The following CDH12 variants were observed in gnomAD, a reference collection of about 807,000 sequenced individuals.
CDH12 encodes cadherin-12.
Under a neutral mutation model 74.1 loss-of-function variants are expected in CDH12, and 41 were observed. That is an observed-to-expected ratio of 0.55 (90% CI 0.43 to 0.72). CDH12 has a LOEUF of 0.72. Ranked by LOEUF, CDH12 falls within the 30% of genes least tolerant of loss-of-function variation. The pLI is 0.00. For missense variants in CDH12, 945 were observed against 977.2 expected, an observed-to-expected ratio of 0.97 and a Z score of 0.44; for synonymous variants, 399 against 355.0, an observed-to-expected ratio of 1.12 and a Z score of -1.39.
At chr5:22,399,190 GTATCTATCTATC>G (rs3039455) in intron 3 of CDH12, among the ~76,000 whole-genome samples, 1,932 of 148,164 alleles carry the variant, frequency 0.013, 25 homozygotes, top group African/African-American at 0.042. Context: ...AATCTACCCA[GTATCTATCTATC>G]TATCTATCTA....
intron 1 of CDH12, among the ~76,000 whole-genome samples, chr5:22,517,711 A>T (rs778943323): frequency 1.3e-5 from 2 of 152,216 alleles, no homozygotes; most frequent in African/African-American, 2.4e-5. Flanking sequence ...AGAATTTTTC[A>T]GCTTACGTTT....
At chr5:22,055,713 TTAA>T (rs1452152446) in intron 5 of CDH12, among the ~76,000 whole-genome samples, 1 of 152,068 alleles carries the variant, frequency 6.6e-6, no homozygotes, top group Non-Finnish European at 1.5e-5. Context: ...AATACATGTA[TTAA>T]TAAATAAAAT....
At chr5:21,884,043 G>C in intron 6 of CDH12, 1 of 1,442,110 alleles carries the variant, frequency 6.9e-7, no homozygotes, top group Non-Finnish European at 9.8e-7. Flanking sequence ...GAATGCAGGT[G>C]TTGAAGGATC....
intron 1 of CDH12, among the ~76,000 whole-genome samples, chr5:22,555,239 T>C (rs1436446317): frequency 6.6e-6 from 1 of 152,044 alleles, no homozygotes; most frequent in Non-Finnish European, 1.5e-5. Flanking sequence ...CAAAAAATTG[T>C]ATTTTTTTCA....
rs1751659885 is a variant in CDH12, at chr5:21,872,190, C to T, written c.527-17400G>A. On this transcript the variant is annotated intron_variant, in intron 6 of 14. Transcript: ENST00000382254. ...GCGTGGGCCCTGAGTAGCCCCAGCA[C>T]ATCTAATGCTGTGACAGCAACTTAT... Among the ~76,000 whole-genome samples the T allele has an allele frequency of 2.0e-5, 3 of 152,182 alleles. No homozygotes were observed. The South Asian group carries it at 6.2e-4, about 32-fold the overall frequency.
intron 3 of CDH12, among the ~76,000 whole-genome samples, 194 bp downstream of exon 3, chr5:22,405,063 A>G (rs1742881854): frequency 6.6e-6 from 1 of 152,134 alleles, no homozygotes; most frequent in Non-Finnish European, 1.5e-5. Flanking sequence ...TACAAAAATT[A>G]GCCAGGCGTG....
chr5:22,290,589 TAGTC>T (rs1191852625), intron 3 of CDH12, among the ~76,000 whole-genome samples: 5 of 151,824 alleles, frequency 3.3e-5, no homozygotes, highest in Non-Finnish European at 5.9e-5. Flanking sequence ...TATTTGAAAA[TAGTC>T]AGAGAAGAAC....
At chr5:22,569,353 T>C (rs1739436533) in intron 1 of CDH12, among the ~76,000 whole-genome samples, 1 of 152,208 alleles carries the variant, frequency 6.6e-6, no homozygotes, top group Admixed American at 6.5e-5. Context: ...GCTTTCACCA[T>C]GTGACATGCT....
chr5:22,418,701 T>C (rs1049186685), intron 2 of CDH12, among the ~76,000 whole-genome samples: 3 of 151,902 alleles, frequency 2.0e-5, no homozygotes, highest in African/African-American at 7.3e-5. Context: ...CTGGCCAACA[T>C]GGTGAAAACT....
At chr5:22,551,750 ATTG>A (rs1738579792) in intron 1 of CDH12, among the ~76,000 whole-genome samples, 3 of 151,286 alleles carry the variant, frequency 2.0e-5, no homozygotes, top group South Asian at 4.2e-4. Context: ...ACCAAAAATA[ATTG>A]TTGTTTATTT....
chr5:21,813,078 TTCTA>T (rs1190093365), intron 9 of CDH12, among the ~76,000 whole-genome samples: 2 of 152,186 alleles, frequency 1.3e-5, no homozygotes, highest in Non-Finnish European at 2.9e-5. Flanking sequence ...CGTTCCACAT[TTCTA>T]TCTGTTTCCC....
In CDH12 at chr5:22,267,705, C is replaced by T. The variant is rs188910263; in HGVS notation, c.-332-55062G>A. Reference sequence around the variant, plus strand: ...CTAACTAGTGACTATAACAGATAGACGGCTGGGGGTCTTCTGTATAAGGTT... The same window carrying T: ...CTAACTAGTGACTATAACAGATAGATGGCTGGGGGTCTTCTGTATAAGGTT... On this transcript the variant is annotated intron_variant, in intron 3 of 14. Transcript: ENST00000382254. Among the ~76,000 whole-genome samples the T allele has an allele frequency of 2.8e-3, 426 of 152,172 alleles. 2 individuals carry two copies. The highest frequency in any genetic ancestry group is 4.6e-3 in the Admixed American group (71 of 15,270).
At chr5:21,882,327 T>C (rs566021814) in intron 6 of CDH12, among the ~76,000 whole-genome samples, 41 of 152,342 alleles carry the variant, frequency 2.7e-4, no homozygotes, top group African/African-American at 9.4e-4. Context: ...AAAGCAATCA[T>C]AGAAATTAAC....
At chr5:22,348,779 A>G (rs1344498370) in intron 3 of CDH12, among the ~76,000 whole-genome samples, 1 of 152,192 alleles carries the variant, frequency 6.6e-6, no homozygotes, top group Non-Finnish European at 1.5e-5. Context: ...GGATGTCCAT[A>G]ATGCTAGGCA....
At chr5:22,420,664 T>C (rs1261391367) in intron 2 of CDH12, among the ~76,000 whole-genome samples, 1 of 152,200 alleles carries the variant, frequency 6.6e-6, no homozygotes, top group African/African-American at 2.4e-5. Flanking sequence ...GGCTGATTTT[T>C]TGAATAAAAT....
At chr5:22,257,849 A>G (rs1561261225) in intron 3 of CDH12, among the ~76,000 whole-genome samples, 2 of 152,154 alleles carry the variant, frequency 1.3e-5, no homozygotes, top group Non-Finnish European at 2.9e-5. Context: ...CTTGAACAGT[A>G]GGATATAAAT....
intron 4 of CDH12, among the ~76,000 whole-genome samples, chr5:22,192,917 C>T (rs1450578047): frequency 2.6e-5 from 4 of 151,956 alleles, no homozygotes; most frequent in Non-Finnish European, 5.9e-5. Flanking sequence ...CCTGCATAGG[C>T]AAGAGTGAAG....
chr5:21,990,042 C>A (rs1184553652), intron 5 of CDH12, among the ~76,000 whole-genome samples: 1 of 152,094 alleles, frequency 6.6e-6, no homozygotes, highest in Admixed American at 6.6e-5. Context: ...TAATTTGTAT[C>A]CTTCTTTCTG....
At chr5:22,074,340 G>A (rs1036069762) in intron 5 of CDH12, among the ~76,000 whole-genome samples, 5 of 152,102 alleles carry the variant, frequency 3.3e-5, no homozygotes, top group Non-Finnish European at 7.4e-5. Context: ...TTAAATGTTA[G>A]ACCTAAAACC....
Sources: gnomAD v4.1 joint callset for allele counts (sites outside exome capture counted in the v4.1 genomes callset) on GRCh38, gnomAD v4.1.1 for gene constraint, MANE v1.5 for transcripts, NCBI Gene and HGNC (gene_info 2026-07-23, HGNC 2026-07-21) for gene names.